The following MLLT10 variants were observed in gnomAD, a reference collection of about 807,000 sequenced individuals.
The protein encoded by MLLT10 is MLLT10 histone lysine methyltransferase DOT1L cofactor.
Under a neutral mutation model 129.1 loss-of-function variants are expected in MLLT10, and 30 were observed. The observed-to-expected ratio is 0.23, with a 90% CI of 0.17 to 0.32. The LOEUF (loss-of-function observed/expected upper bound fraction) is 0.32. MLLT10 is among the 10% of genes least tolerant of loss of function. The pLI, the probability that MLLT10 is intolerant of heterozygous loss-of-function variation, is 1.00. For synonymous variants in MLLT10, 490 were observed against 446.4 expected (o/e 1.10, Z -1.23); for missense variants, 1,119 against 1,268.3 (o/e 0.88, Z 1.79).
intron 4 of MLLT10, among the ~76,000 whole-genome samples, chr10:21,591,199 C>T (rs766538082): frequency 2.6e-5 from 4 of 152,024 alleles, no homozygotes; most frequent in Non-Finnish European, 5.9e-5. Context: ...TGGGACTACA[C>T]GTGCACGCCA....
At chr10:21,650,264 T>C (rs888071465) in intron 8 of MLLT10, among the ~76,000 whole-genome samples, 11 of 152,216 alleles carry the variant, frequency 7.2e-5, no homozygotes, top group East Asian at 3.9e-4. Flanking sequence ...GGTGAGAGGA[T>C]TGCTGGAGCC....
At chr10:21,676,206 G>C (rs985104440) in intron 11 of MLLT10, among the ~76,000 whole-genome samples, 1 of 151,896 alleles carries the variant, frequency 6.6e-6, no homozygotes, top group African/African-American at 2.4e-5. Context: ...GAGGTGGGTG[G>C]ATCACGAGGT....
chr10:21,673,316 A>AGT, intron 10 of MLLT10, 34 bp from the exon 11 acceptor site: 1 of 119,772 alleles, frequency 8.3e-6, no homozygotes, highest in Non-Finnish European at 1.3e-5. Flanking sequence ...CCCACCCCCC[A>AGT]ACTTTTTTTT....
At chr10:21,731,434 A>G (rs1411536920) in intron 17 of MLLT10, among the ~76,000 whole-genome samples, 1 of 152,170 alleles carries the variant, frequency 6.6e-6, no homozygotes, top group Non-Finnish European at 1.5e-5. Context: ...GGTGCTTACC[A>G]TGATTATACA....
At chr10:21,724,480 C>T (rs1165741184) in intron 14 of MLLT10, among the ~76,000 whole-genome samples, 3 of 152,186 alleles carry the variant, frequency 2.0e-5, no homozygotes, top group Non-Finnish European at 4.4e-5. Context: ...TCTTGTTATT[C>T]AGCTTCTTTA....
rs138467254 is a variant in MLLT10 at position 21,547,966 on chromosome 10, T to G, written c.240+9054T>G. Among the ~76,000 whole-genome samples the G allele has an allele frequency of 5.6e-3, 858 of 152,334 alleles. 3 individuals are homozygous for G. Among genetic ancestry groups the G allele is most frequent in the Non-Finnish European group, 9.1e-3 (619 of 68,034 alleles). On this transcript the variant is annotated intron_variant, in intron 3 of 22. Transcript: ENST00000307729. ...GTTTGTGGGTTCATTTTTTTTACTT[T>G]GAAGGTTTTGGTATTTTTTTCTCAG...
chr10:21,679,430 T>C (rs1341909584), intron 11 of MLLT10, among the ~76,000 whole-genome samples: 1 of 152,218 alleles, frequency 6.6e-6, no homozygotes, highest in Non-Finnish European at 1.5e-5. Flanking sequence ...GAGAACATCT[T>C]TTTCTTCACT....
chr10:21,580,284 C>G (rs562451681), intron 3 of MLLT10, among the ~76,000 whole-genome samples: 27 of 151,720 alleles, frequency 1.8e-4, no homozygotes, highest in South Asian at 6.2e-4. Flanking sequence ...GACATTTTTC[C>G]GTAAAACTTG....
At chr10:21,631,421 C>T (rs1392486949) in intron 8 of MLLT10, among the ~76,000 whole-genome samples, 3 of 148,240 alleles carry the variant, frequency 2.0e-5, no homozygotes, top group Admixed American at 6.7e-5. Context: ...TGTCTGACTA[C>T]GAAGTCCCTG....
rs140559441 is a variant in MLLT10, at chr10:21,679,014, T to G, written c.1622-2318T>G. ...GTAATCAAAATTCTCTCATGACATG[T>G]TCAAATTGTAGCAGAGTACATTTTT... On this transcript the variant is annotated intron_variant, in intron 11 of 22. Transcript: ENST00000307729. 9.8e-5 allele frequency among the ~76,000 whole-genome samples: 15 copies of G among 152,324 alleles called. No homozygotes were observed. The East Asian group carries it at 2.9e-3, about 29-fold the overall frequency.
chr10:21,640,239 TATAA>T (rs1234076835), intron 8 of MLLT10, among the ~76,000 whole-genome samples: 1 of 143,766 alleles, frequency 7.0e-6, no homozygotes, highest in Non-Finnish European at 1.5e-5. Flanking sequence ...TATTATGTAA[TATAA>T]ATATTTATAT....
intron 9 of MLLT10, among the ~76,000 whole-genome samples, chr10:21,662,958 C>T (rs971285737): frequency 2.6e-5 from 4 of 152,074 alleles, no homozygotes; most frequent in Non-Finnish European, 4.4e-5. Flanking sequence ...TGGTTAGAGT[C>T]GCCTGAGGTT....
Position 21,742,176 on chromosome 10 carries a change from A to T in MLLT10, c.*193A>T, listed in dbSNP as rs1202794252. 1.1e-5 allele frequency: 6 copies of T among 541,224 alleles called. No individual in the cohort carries two copies. Among genetic ancestry groups the T allele is most frequent in the African/African-American group, 1.9e-5 (1 of 51,936 alleles). The allele number at this position is 541,224 out of a possible 1,614,324, so 33.5% of individuals were successfully genotyped here. A position where few individuals can be genotyped will look rare whatever the true frequency, so the allele number is the denominator to read the frequency against. On this transcript the variant is annotated 3_prime_UTR_variant, in exon 23 of 23. Transcript: ENST00000307729. Reference sequence around the variant, plus strand: ...TGTTGCTTTGTTGCACTGAAATGGAATTCCCATGCCCCTACCCCTTACCCC... The same window carrying T: ...TGTTGCTTTGTTGCACTGAAATGGATTTCCCATGCCCCTACCCCTTACCCC...
rs560431075 is a variant in MLLT10, at chr10:21,589,715, G to T, written c.295+3367G>T. 1.1e-4 allele frequency among the ~76,000 whole-genome samples: 16 copies of T among 152,162 alleles called. No individual in the cohort carries two copies. In the South Asian group the frequency reaches 3.3e-3, roughly 31 times the overall value. On this transcript the variant is annotated intron_variant, in intron 4 of 22. Transcript: ENST00000307729. ...TTTCTTTAAGAATTATAGTGGTTTT[G>T]TCAGGTGTTTGTTGAGGATTATGCT... is the stretch of plus-strand genomic sequence containing the variant.
chr10:21,718,317 C>T (rs2056896889), intron 14 of MLLT10, among the ~76,000 whole-genome samples: 1 of 152,112 alleles, frequency 6.6e-6, no homozygotes, highest in African/African-American at 2.4e-5. Context: ...GACTCCTGTC[C>T]ATGTGACTGT....
intron 3 of MLLT10, among the ~76,000 whole-genome samples, chr10:21,576,415 G>T (rs1430424007): frequency 2.0e-5 from 3 of 151,234 alleles, no homozygotes; most frequent in African/African-American, 7.3e-5. Flanking sequence ...GCTAATTTTT[G>T]TATTTTTAGT....
At chr10:21,695,678 A>G (rs1006399942) in intron 13 of MLLT10, among the ~76,000 whole-genome samples, 1 of 152,036 alleles carries the variant, frequency 6.6e-6, no homozygotes, top group African/African-American at 2.4e-5. Flanking sequence ...GGTTCCTTCC[A>G]TGTTTCCTTA....
intron 9 of MLLT10, among the ~76,000 whole-genome samples, chr10:21,657,392 CAAAAAAAA>C (rs904471815): frequency 4.0e-5 from 2 of 49,772 alleles, no homozygotes; most frequent in African/African-American, 1.3e-4. Context: ...GACTCTGTCT[CAAAAAAAA>C]AAAAAAAAAA....
intron 9 of MLLT10, among the ~76,000 whole-genome samples, chr10:21,657,416 A>C (rs935818723): frequency 1.3e-5 from 2 of 149,736 alleles, no homozygotes; most frequent in Admixed American, 6.6e-5. Context: ...AAAAAAAAAA[A>C]GGTGAGAAAG....
Sources: gnomAD v4.1 joint callset for allele counts (sites outside exome capture counted in the v4.1 genomes callset) on GRCh38, gnomAD v4.1.1 for gene constraint, MANE v1.5 for transcripts, NCBI Gene and HGNC (gene_info 2026-07-23, HGNC 2026-07-21) for gene names.